Variants in RAD23B observed in about 807,000 individuals in gnomAD.
The protein encoded by RAD23B is RAD23 nucleotide excision repair protein B.
In RAD23B, 5 loss-of-function variants were observed where a neutral mutation model predicts 49.1. The observed-to-expected ratio is 0.10, with a 90% CI of 0.05 to 0.21. RAD23B has a LOEUF of 0.21. RAD23B is among the 10% of genes least tolerant of loss of function. The probability of loss-of-function intolerance (pLI) is 1.00; values close to 1 mark genes in which losing one functional copy is unlikely to be tolerated. For missense variants in RAD23B, 356 were observed against 486.7 expected (o/e 0.73, Z 2.53); for synonymous variants, 184 against 165.4 (o/e 1.11, Z -0.86).
chr9:107,285,241 T>C (rs1833252925), intron 1 of RAD23B, among the ~76,000 whole-genome samples: 1 of 152,214 alleles, frequency 6.6e-6, no homozygotes, highest in Admixed American at 6.5e-5. Context: ...TCTTGAATAT[T>C]TCTTTACTGC....
At chr9:107,313,221 TTTTC>T (rs148498711) in intron 5 of RAD23B, among the ~76,000 whole-genome samples, 8,939 of 152,136 alleles carry the variant, frequency 0.059, 370 homozygotes, top group South Asian at 0.12. Context: ...TTCTTTTCTC[TTTTC>T]TTTCTTCCTT....
intron 1 of RAD23B, among the ~76,000 whole-genome samples, chr9:107,296,407 C>G (rs1826520871): frequency 6.6e-6 from 1 of 152,148 alleles, no homozygotes; most frequent in South Asian, 2.1e-4. Flanking sequence ...GTGTGATAGT[C>G]TATTGGATTA....
intron 3 of RAD23B, 87 bp from the exon 4 acceptor site, chr9:107,306,292 G>A: frequency 7.6e-7 from 1 of 1,313,186 alleles, no homozygotes; most frequent in Non-Finnish European, 1.1e-6. Flanking sequence ...TGCTATGTTT[G>A]TGGCATCCTG....
intron 8 of RAD23B, 124 bp downstream of exon 8, chr9:107,324,141 A>C (rs1827158960): frequency 1.8e-6 from 2 of 1,107,478 alleles, no homozygotes; most frequent in East Asian, 5.1e-5. Flanking sequence ...TTTTCTTCCA[A>C]GCTACACTTA....
chr9:107,284,769 G>C (rs1833240917), intron 1 of RAD23B: 7 of 1,120,854 alleles, frequency 6.2e-6, no homozygotes, highest in Non-Finnish European at 6.7e-6. Context: ...TTTGGGTGGA[G>C]ATCAGGGGCT....
chr9:107,283,964 C>T (rs916883221), intron 1 of RAD23B: 2 of 1,129,838 alleles, frequency 1.8e-6, no homozygotes, highest in African/African-American at 1.6e-5. Context: ...GGGCCTGGGC[C>T]TAGGAGCTCG....
At chr9:107,324,163 C>T in intron 8 of RAD23B, 146 bp downstream of exon 8, 3 of 970,072 alleles carry the variant, frequency 3.1e-6, no homozygotes, top group Non-Finnish European at 4.5e-6. Flanking sequence ...ATATTGTAAT[C>T]TAGATAGGTG....
chr9:107,329,710 C>A lies in RAD23B; in HGVS notation c.*54C>A. Reference sequence around the variant, plus strand: ...CACCAGTGCATTACACTAACTTGTTCACTGGATTGTCTGGGATGACTTGGG... The same window carrying A: ...CACCAGTGCATTACACTAACTTGTTAACTGGATTGTCTGGGATGACTTGGG... On this transcript the variant is annotated 3_prime_UTR_variant, in exon 10 of 10. Transcript: ENST00000358015. 8.4e-7 allele frequency: 1 copy of A among 1,187,022 alleles called. No individual in the cohort carries two copies. Among genetic ancestry groups the A allele is most frequent in the South Asian group, 1.3e-5 (1 of 79,816 alleles). The allele number at this position is 1,187,022 out of a possible 1,614,324, so 73.5% of individuals were successfully genotyped here.
At chr9:107,324,078 A>G (rs1333085031) in intron 8 of RAD23B, 61 bp downstream of exon 8, 1 of 1,547,554 alleles carries the variant, frequency 6.5e-7, no homozygotes, top group Non-Finnish European at 8.9e-7. Flanking sequence ...GAAAAAGTCC[A>G]TGAACGGTCC....
chr9:107,285,841 T>C (rs906338773), intron 1 of RAD23B, among the ~76,000 whole-genome samples: 5 of 152,256 alleles, frequency 3.3e-5, no homozygotes, highest in African/African-American at 1.2e-4. Flanking sequence ...TTGTCAGTTT[T>C]TATTTTAATG....
chr9:107,322,102 A>G lies in RAD23B; in HGVS notation c.801A>G (p.Thr267=). The change falls in exon 7 of 10, where the codon ACA becomes ACG. Residue 267 remains threonine, a synonymous_variant. Coordinates refer to ENST00000358015, the MANE Select transcript of RAD23B (RefSeq NM_002874.5). ...AAAATTTATT[T]TTSSGGHPLE... is the part of the protein sequence containing the mutation. ...CAGCAACTACGACAGCAACAACTAC[A>G]ACAACAAGTTCTGGAGGTAAAGCGG... 6.2e-6 allele frequency: 10 copies of G among 1,608,118 alleles called. No individual in the cohort carries two copies. The highest frequency in any genetic ancestry group is 8.5e-6 in the Non-Finnish European group (10 of 1,177,236).
intron 5 of RAD23B, among the ~76,000 whole-genome samples, chr9:107,316,083 C>T (rs1485186903): frequency 6.6e-6 from 1 of 151,706 alleles, no homozygotes; most frequent in Non-Finnish European, 1.5e-5. Flanking sequence ...GATCTTGGCT[C>T]ACTGCAATCT....
chr9:107,299,684 G>T (rs1021425858), intron 1 of RAD23B, among the ~76,000 whole-genome samples: 7 of 152,174 alleles, frequency 4.6e-5, no homozygotes, highest in African/African-American at 7.2e-5. Context: ...CCTGGTGATT[G>T]TAATGAAACA....
At chr9:107,315,670 T>G (rs1826978404) in intron 5 of RAD23B, among the ~76,000 whole-genome samples, 1 of 151,814 alleles carries the variant, frequency 6.6e-6, no homozygotes, top group Non-Finnish European at 1.5e-5. Context: ...CCTGCCACCA[T>G]GCCCAGATAA....
At chr9:107,290,375 T>C (rs552402625) in intron 1 of RAD23B, among the ~76,000 whole-genome samples, 2 of 152,282 alleles carry the variant, frequency 1.3e-5, no homozygotes, top group Admixed American at 1.3e-4. Context: ...TACAAACATT[T>C]TTCCCCATCT....
intron 5 of RAD23B, among the ~76,000 whole-genome samples, chr9:107,313,990 C>T (rs1826941635): frequency 6.6e-6 from 1 of 151,584 alleles, no homozygotes; most frequent in Non-Finnish European, 1.5e-5. Flanking sequence ...TTACTAATGA[C>T]TCTGTTTCTT....
At chr9:107,291,432 A>C (rs1833382813) in intron 1 of RAD23B, among the ~76,000 whole-genome samples, 1 of 152,226 alleles carries the variant, frequency 6.6e-6, no homozygotes, top group Non-Finnish European at 1.5e-5. Flanking sequence ...ATTTAAAATA[A>C]TAGCCTTTTG....
intron 3 of RAD23B, among the ~76,000 whole-genome samples, chr9:107,303,165 T>G (rs1299920803): frequency 6.6e-6 from 1 of 151,870 alleles, no homozygotes; most frequent in East Asian, 1.9e-4. Flanking sequence ...TTTTTAGGAT[T>G]GGATTGTCAT....
chr9:107,312,064 A>T (rs903431387), intron 5 of RAD23B, among the ~76,000 whole-genome samples: 14 of 152,090 alleles, frequency 9.2e-5, no homozygotes, highest in African/African-American at 3.4e-4. Context: ...TGGGTATGAA[A>T]TTTTTCTAAG....
Sources: gnomAD v4.1 joint callset for allele counts (sites outside exome capture counted in the v4.1 genomes callset) on GRCh38, gnomAD v4.1.1 for gene constraint, MANE v1.5 for transcripts, NCBI Gene and HGNC (gene_info 2026-07-23, HGNC 2026-07-21) for gene names.